PALM2AKAP2: variants seen among roughly 807,000 people sequenced by gnomAD.
PALM2AKAP2 encodes the protein PALM2 and AKAP2 fusion.
PALM2AKAP2 carries 37 observed loss-of-function variants against 71.5 expected under a neutral mutation model. That is an observed-to-expected ratio of 0.52 (90% CI 0.40 to 0.68). PALM2AKAP2 has a LOEUF of 0.68. PALM2AKAP2 is among the 30% of genes least tolerant of loss of function. PALM2AKAP2 has a pLI of 0.00. For synonymous variants in PALM2AKAP2, 468 were observed against 478.8 expected, an observed-to-expected ratio of 0.98 and a Z score of 0.29; for missense variants, 1,224 against 1,191.8, an observed-to-expected ratio of 1.03 and a Z score of -0.40.
chr9:109,708,094 T>C (rs776990052), intron 1 of PALM2AKAP2, among the ~76,000 whole-genome samples: 1 of 152,200 alleles, frequency 6.6e-6, no homozygotes, highest in Non-Finnish European at 1.5e-5. Flanking sequence ...TTTAAATCGC[T>C]GTGGGCATCA....
chr9:110,025,200 G>A, intron 7 of PALM2AKAP2: 2 of 1,321,506 alleles, frequency 1.5e-6, no homozygotes, highest in East Asian at 4.6e-5. Context: ...AACACTTGTG[G>A]GGCATTCCTT....
At chr9:109,788,929 C>T (rs79415189) in intron 1 of PALM2AKAP2, among the ~76,000 whole-genome samples, 2,361 of 152,288 alleles carry the variant, frequency 0.016, 64 homozygotes, top group African/African-American at 0.054. Flanking sequence ...AGAGTGACAC[C>T]CTGTGTAACT....
chr9:109,711,938 G>A (rs1828247387), intron 1 of PALM2AKAP2, among the ~76,000 whole-genome samples: 1 of 152,028 alleles, frequency 6.6e-6, no homozygotes, highest in African/African-American at 2.4e-5. Context: ...CATTCCAAAT[G>A]AATGATGACT....
At chr9:109,986,479 C>CTA (rs980964074) in intron 6 of PALM2AKAP2, among the ~76,000 whole-genome samples, 1 of 152,126 alleles carries the variant, frequency 6.6e-6, no homozygotes, top group African/African-American at 2.4e-5. Context: ...GATAGGTTTC[C>CTA]TTTATGTCCA....
intron 1 of PALM2AKAP2, among the ~76,000 whole-genome samples, chr9:109,828,104 T>C (rs1370737507): frequency 1.3e-5 from 2 of 152,198 alleles, no homozygotes; most frequent in Non-Finnish European, 2.9e-5. Context: ...GTCACTGGCA[T>C]TCTACAGATT....
intron 1 of PALM2AKAP2, among the ~76,000 whole-genome samples, chr9:109,658,197 T>A (rs1247120125): frequency 6.6e-6 from 1 of 151,930 alleles, no homozygotes; most frequent in East Asian, 1.9e-4. Context: ...AGTCTTGTGT[T>A]CAGGGAGGTT....
chr9:109,764,477 A>G (rs1330277271), intron 1 of PALM2AKAP2, among the ~76,000 whole-genome samples: 1 of 152,052 alleles, frequency 6.6e-6, no homozygotes, highest in Admixed American at 6.5e-5. Flanking sequence ...TTCAGTTCTT[A>G]TTTCATCTCC....
At chr9:110,112,044 A>G (rs1020522388) in intron 1 of PALM2AKAP2, among the ~76,000 whole-genome samples, 1 of 152,054 alleles carries the variant, frequency 6.6e-6, no homozygotes, top group African/African-American at 2.4e-5. Context: ...TATATAAGAC[A>G]AACAGTCATT....
upstream of PALM2AKAP2, among the ~76,000 whole-genome samples, chr9:110,045,085 T>C (rs2132476386): frequency 6.6e-6 from 1 of 152,244 alleles, no homozygotes; most frequent in East Asian, 1.9e-4. Context: ...CTCAGGGGTG[T>C]AGTTTAAAGT....
chr9:110,102,243 G>A (rs1407041809), intron 1 of PALM2AKAP2, among the ~76,000 whole-genome samples: 1 of 152,122 alleles, frequency 6.6e-6, no homozygotes, highest in Non-Finnish European at 1.5e-5. Context: ...ACCATCTAAA[G>A]CAGGAATATC....
At chr9:109,886,046 C>T (rs561432257) in intron 3 of PALM2AKAP2, among the ~76,000 whole-genome samples, 19 of 152,124 alleles carry the variant, frequency 1.2e-4, no homozygotes, top group African/African-American at 4.1e-4. Context: ...ATTTTTGGCT[C>T]CCTGGAAACC....
At chr9:109,665,280 A>AT (rs1351604698) in intron 1 of PALM2AKAP2, among the ~76,000 whole-genome samples, 1 of 151,806 alleles carries the variant, frequency 6.6e-6, no homozygotes, top group African/African-American at 2.4e-5. Context: ...GATTTTTAGA[A>AT]TTTTCAGCTT....
chr9:110,009,864 C>G (rs1262579303), intron 6 of PALM2AKAP2, among the ~76,000 whole-genome samples: 1 of 152,158 alleles, frequency 6.6e-6, no homozygotes, highest in Non-Finnish European at 1.5e-5. Flanking sequence ...GAACTCAGCT[C>G]CTTTGTTCTG....
At chr9:109,818,977 A>T (rs1827919635) in intron 1 of PALM2AKAP2, among the ~76,000 whole-genome samples, 1 of 152,212 alleles carries the variant, frequency 6.6e-6, no homozygotes, top group African/African-American at 2.4e-5. Context: ...CAAAAGGAGA[A>T]ACTAAGAATG....
At chr9:109,809,419 T>G (rs1172449629) in intron 1 of PALM2AKAP2, among the ~76,000 whole-genome samples, 1 of 152,234 alleles carries the variant, frequency 6.6e-6, no homozygotes, top group Admixed American at 6.5e-5. Context: ...CACTAGATTT[T>G]GGACTTGCAT....
At chr9:109,880,330 T>C (rs1172879400) in intron 2 of PALM2AKAP2, among the ~76,000 whole-genome samples, 1 of 152,212 alleles carries the variant, frequency 6.6e-6, no homozygotes, top group Non-Finnish European at 1.5e-5. Flanking sequence ...CATTATACAG[T>C]TCTATTTTTA....
intron 1 of PALM2AKAP2, among the ~76,000 whole-genome samples, chr9:109,800,899 C>T (rs1299410396): frequency 6.6e-6 from 1 of 152,206 alleles, no homozygotes; most frequent in Non-Finnish European, 1.5e-5. Flanking sequence ...CGTCTTAGGA[C>T]TCAAAGCCTT....
chr9:109,646,782 T>A (rs925825489), intron 1 of PALM2AKAP2, among the ~76,000 whole-genome samples: 4 of 152,222 alleles, frequency 2.6e-5, no homozygotes, highest in African/African-American at 9.6e-5. Flanking sequence ...CGGCTTAGTC[T>A]ATGTGTGACT....
chr9:110,147,248 CAAA>C (rs59763270), intron 2 of PALM2AKAP2, among the ~76,000 whole-genome samples: 10 of 108,028 alleles, frequency 9.3e-5, no homozygotes, highest in Admixed American at 2.9e-4. Flanking sequence ...GACTCTGTCT[CAAA>C]AAAAAAAAAA....
Sources: gnomAD v4.1 joint callset for allele counts (sites outside exome capture counted in the v4.1 genomes callset) on GRCh38, gnomAD v4.1.1 for gene constraint, MANE v1.5 for transcripts, NCBI Gene and HGNC (gene_info 2026-07-23, HGNC 2026-07-21) for gene names.